Variants in RXFP1 observed in about 807,000 individuals in gnomAD.
The protein encoded by RXFP1 is relaxin family peptide receptor 1.
Under a neutral mutation model 89.8 loss-of-function variants are expected in RXFP1, and 73 were observed. The observed-to-expected ratio is 0.81, with a 90% CI of 0.67 to 0.99. RXFP1 has a LOEUF of 0.99. Ranked by LOEUF, RXFP1 falls within the 50% of genes least tolerant of loss-of-function variation. The probability of loss-of-function intolerance (pLI) is 0.00; values close to 1 mark genes in which losing one functional copy is unlikely to be tolerated. For synonymous variants in RXFP1, 277 were observed against 305.5 expected, an observed-to-expected ratio of 0.91 and a Z score of 0.97; for missense variants, 793 against 895.5, an observed-to-expected ratio of 0.89 and a Z score of 1.46.
intron 1 of RXFP1, among the ~76,000 whole-genome samples, chr4:158,567,006 T>C (rs966087012): frequency 6.6e-6 from 1 of 152,116 alleles, no homozygotes; most frequent in African/African-American, 2.4e-5. Context: ...CAGTTCCGGG[T>C]GGGCATGGGC....
intron 8 of RXFP1, among the ~76,000 whole-genome samples, chr4:158,614,699 A>C (rs1323263427): frequency 6.6e-6 from 1 of 152,214 alleles, no homozygotes; most frequent in East Asian, 1.9e-4. Context: ...TTCCATCAGC[A>C]ATAAGGCTGT....
intron 8 of RXFP1, among the ~76,000 whole-genome samples, chr4:158,613,277 G>A (rs1488111609): frequency 1.3e-5 from 2 of 152,134 alleles, no homozygotes; most frequent in African/African-American, 2.4e-5. Context: ...GGTGGCTGTG[G>A]CAATTTCTTA....
intron 1 of RXFP1, among the ~76,000 whole-genome samples, chr4:158,548,579 T>C (rs921448295): frequency 6.6e-6 from 1 of 152,248 alleles, no homozygotes; most frequent in Admixed American, 6.5e-5. Flanking sequence ...GGTTTTGCAG[T>C]GGCTGGTACT....
chr4:158,576,001 C>T (rs1239856879), intron 2 of RXFP1, among the ~76,000 whole-genome samples: 1 of 152,196 alleles, frequency 6.6e-6, no homozygotes, highest in Non-Finnish European at 1.5e-5. Context: ...TGTGGATCAG[C>T]TATGCCATGA....
In RXFP1 at chr4:158,633,495, T is replaced by G. The variant is rs1412562314; in HGVS notation, c.971+19T>G. 1 of 1,473,540 alleles carries G rather than the reference T, an allele frequency of 6.8e-7. No homozygotes were observed. The highest frequency in any genetic ancestry group is 1.4e-5 in the African/African-American group (1 of 70,476). 91.3% of individuals were successfully genotyped at this position (1,473,540 alleles called of 1,614,324 possible). On this transcript the variant is annotated intron_variant, in intron 12 of 17. Transcript: ENST00000307765. ...CACAATTGTAAGACTGATGTTAATTTTGCCACCTCGTTTCTTTATTTTATT... is the reference window on the plus strand; with the variant it reads ...CACAATTGTAAGACTGATGTTAATTGTGCCACCTCGTTTCTTTATTTTATT...
intron 5 of RXFP1, among the ~76,000 whole-genome samples, chr4:158,606,154 C>T (rs1401834778): frequency 6.6e-6 from 1 of 152,186 alleles, no homozygotes; most frequent in East Asian, 1.9e-4. Flanking sequence ...AGTACACTGA[C>T]TTATTCTATT....
intron 6 of RXFP1, among the ~76,000 whole-genome samples, chr4:158,609,023 A>G (rs999032499): frequency 6.6e-6 from 1 of 152,166 alleles, no homozygotes; most frequent in African/African-American, 2.4e-5. Context: ...CATTTTGTTT[A>G]ACTGTTTATC....
chr4:158,614,486 C>T (rs561807986), intron 8 of RXFP1, among the ~76,000 whole-genome samples: 3 of 152,324 alleles, frequency 2.0e-5, no homozygotes, highest in Non-Finnish European at 4.4e-5. Context: ...TCCTGCTTCA[C>T]TTTGTAATTT....
chr4:158,543,557 T>TG (rs35473062), intron 1 of RXFP1, among the ~76,000 whole-genome samples: 3 of 152,100 alleles, frequency 2.0e-5, no homozygotes, highest in African/African-American at 4.8e-5. Flanking sequence ...ACAAACAAGA[T>TG]GGGGATTGTG....
rs936096 is a variant in RXFP1, at chr4:158,526,665, T to C, written c.49+4640T>C. Among the ~76,000 whole-genome samples the C allele has an allele frequency of 8.1e-3, 1,228 of 152,346 alleles. 12 individuals are homozygous for C. Among genetic ancestry groups the C allele is most frequent in the African/African-American group, 0.025 (1,029 of 41,574 alleles). ...ACTGTATTTTATAGCAACCTGGATA[T>C]TATTAGATTTGTTGTTAAATAGATT... On this transcript the variant is annotated intron_variant, in intron 1 of 17. Coordinates refer to ENST00000307765, the MANE Select transcript of RXFP1 (RefSeq NM_021634.4).
intron 1 of RXFP1, among the ~76,000 whole-genome samples, chr4:158,522,309 T>G (rs1741373919): frequency 6.6e-6 from 1 of 152,188 alleles, no homozygotes; most frequent in African/African-American, 2.4e-5. Context: ...CATTATAATA[T>G]TTAAAGAGTA....
intron 1 of RXFP1, among the ~76,000 whole-genome samples, chr4:158,541,265 G>T (rs557163844): frequency 6.6e-6 from 1 of 151,834 alleles, no homozygotes; most frequent in Non-Finnish European, 1.5e-5. Flanking sequence ...ATACACAGGA[G>T]AAGTGGAATT....
At chr4:158,625,605 G>A (rs554960253) in intron 9 of RXFP1, among the ~76,000 whole-genome samples, 14 of 152,068 alleles carry the variant, frequency 9.2e-5, no homozygotes, top group Admixed American at 7.2e-4. Flanking sequence ...TCTAGATACC[G>A]TACATCCTGG....
intron 11 of RXFP1, among the ~76,000 whole-genome samples, chr4:158,632,016 C>T (rs1026537271): frequency 6.6e-5 from 10 of 152,046 alleles, no homozygotes; most frequent in South Asian, 4.1e-4. Flanking sequence ...TGCTTAAGCC[C>T]GGGAGGTGGA....
At chr4:158,646,727 G>A (rs1477997877) in intron 15 of RXFP1, 64 bp from the exon 16 acceptor site, 4 of 1,487,592 alleles carry the variant, frequency 2.7e-6, no homozygotes, top group Admixed American at 2.3e-5. Flanking sequence ...AAATATTATT[G>A]CTTATTGATG....
At chr4:158,624,290 CCTT>C (rs1420253057) in intron 9 of RXFP1, among the ~76,000 whole-genome samples, 15 of 152,066 alleles carry the variant, frequency 9.9e-5, no homozygotes, top group African/African-American at 3.4e-4. Flanking sequence ...AGGGCTTTTC[CCTT>C]CTTCATCACC....
At chr4:158,563,502 A>G (rs1579636636) in intron 1 of RXFP1, among the ~76,000 whole-genome samples, 1 of 20,336 alleles carries the variant, frequency 4.9e-5, no homozygotes, top group African/African-American at 6.2e-5. Flanking sequence ...CAATGCACAC[A>G]CACACACACA....
chr4:158,568,073 C>T (rs912510158), intron 1 of RXFP1, among the ~76,000 whole-genome samples: 2 of 152,210 alleles, frequency 1.3e-5, no homozygotes, highest in African/African-American at 4.8e-5. Context: ...TCCGAACACA[C>T]TGCCTTTATG....
chr4:158,618,135 C>T (rs1362459235), intron 9 of RXFP1, among the ~76,000 whole-genome samples: 2 of 152,024 alleles, frequency 1.3e-5, no homozygotes. Flanking sequence ...ACATTGAAAA[C>T]AAGCTAAAGC....
Sources: allele counts gnomAD v4.1 joint callset (sites outside exome capture counted in the v4.1 genomes callset), GRCh38; gene constraint gnomAD v4.1.1; transcripts MANE v1.5; gene names NCBI Gene and HGNC (gene_info 2026-07-23, HGNC 2026-07-21).